The following ZNF195 variants were observed in gnomAD, a reference collection of about 807,000 sequenced individuals.
ZNF195 encodes hypoxia-regulated factor-1.
A neutral mutation model predicts 19.5 loss-of-function variants in ZNF195; 11 were observed. The observed-to-expected ratio is 0.57, with a 90% CI of 0.36 to 0.94. ZNF195 has a LOEUF of 0.94. Ranked by LOEUF, ZNF195 falls within the 40% of genes least tolerant of loss-of-function variation. ZNF195 has a pLI of 0.01. For missense variants in ZNF195, 582 were observed against 709.0 expected, an observed-to-expected ratio of 0.82 and a Z score of 2.03; for synonymous variants, 214 against 248.1, an observed-to-expected ratio of 0.86 and a Z score of 1.29.
chr11:3,376,222 C>G (rs7103474), intron 1 of ZNF195, among the ~76,000 whole-genome samples: 110,904 of 151,296 alleles, frequency 0.73, 41,160 homozygotes, highest in Middle Eastern at 0.79. Context: ...AGCAGTCTGG[C>G]GCACCCGCAG....
intron 2 of ZNF195, 87 bp downstream of exon 2, chr11:3,371,490 C>T (rs544050105): frequency 1.0e-4 from 161 of 1,567,040 alleles, no homozygotes; most frequent in South Asian, 4.0e-4. Context: ...ATTCATGCAA[C>T]GCAGAAACTC....
At chr11:3,371,204 CT>C in intron 2 of ZNF195, 134 bp from the exon 3 acceptor site, 2 of 810,120 alleles carry the variant, frequency 2.5e-6, no homozygotes, top group Non-Finnish European at 3.8e-6. Context: ...CTGACATCAC[CT>C]TTAGAATATT....
chr11:3,365,523 A>G (rs1243217437), intron 3 of ZNF195, among the ~76,000 whole-genome samples: 1 of 152,242 alleles, frequency 6.6e-6, no homozygotes, highest in Admixed American at 6.5e-5. Flanking sequence ...TTCTTGCTCA[A>G]TGGTCAGATA....
Position 3,362,317 on chromosome 11 carries a change from G to A in ZNF195, c.227-428C>T, listed in dbSNP as rs12288641. Among the ~76,000 whole-genome samples, 319 of 152,058 alleles carry A rather than the reference G, an allele frequency of 2.1e-3. 3 individuals are homozygous for A. The highest frequency in any genetic ancestry group is 7.1e-3 in the African/African-American group (294 of 41,494). ...CAAAATAAATATATGGAAAAGATACGCATATACAGAAAAATAAAATTCTGT... is the reference window on the plus strand; with the variant it reads ...CAAAATAAATATATGGAAAAGATACACATATACAGAAAAATAAAATTCTGT... On this transcript the variant is annotated intron_variant, in intron 3 of 5. Transcript: ENST00000399602.
chr11:3,362,627 TAA>T (rs1247605176), intron 3 of ZNF195: 6 of 555,000 alleles, frequency 1.1e-5, no homozygotes, highest in Admixed American at 5.9e-5. Context: ...AAAGAAAATT[TAA>T]AAAGAGTCAA....
intron 4 of ZNF195, 150 bp from the exon 5 acceptor site, chr11:3,360,938 T>C (rs1848605273): frequency 2.9e-6 from 2 of 692,464 alleles, no homozygotes; most frequent in Non-Finnish European, 4.6e-6. Flanking sequence ...ACAAGTGTTT[T>C]TACTTTTGGC....
chr11:3,367,427 G>A (rs899779948), intron 3 of ZNF195, among the ~76,000 whole-genome samples: 1 of 152,022 alleles, frequency 6.6e-6, no homozygotes, highest in Non-Finnish European at 1.5e-5. Context: ...TGACTGTGTA[G>A]TCATGAAAAC....
In ZNF195 at chr11:3,358,747, G is replaced by T. The variant is rs1006745931; in HGVS notation, c.*371C>A. 9.3e-4 allele frequency: 3 copies of T among 3,224 alleles called. No homozygotes were observed. The highest frequency in any genetic ancestry group is 0.012 in the South Asian group (1 of 82). 0.2% of individuals were successfully genotyped at this position (3,224 alleles called of 1,614,324 possible). A position where few individuals can be genotyped will look rare whatever the true frequency, so the allele number is the denominator to read the frequency against. The stretch of plus-strand genomic sequence containing the variant: ...TGTAGACTCAACACAGGGATTCAGT[G>T]TCATTTCTGAACGTGTCCTTGCTTA... On this transcript the variant is annotated 3_prime_UTR_variant, in exon 6 of 6. Transcript: ENST00000399602.
intron 3 of ZNF195, among the ~76,000 whole-genome samples, chr11:3,367,726 T>C (rs899876065): frequency 1.3e-5 from 2 of 152,040 alleles, no homozygotes; most frequent in African/African-American, 4.8e-5. Context: ...CATCTGGGAA[T>C]AAATCATATT....
Position 3,370,182 on chromosome 11 carries a change from CAT to C in ZNF195, c.226+791_226+792del, listed in dbSNP as rs1264165625. 9.9e-5 allele frequency among the ~76,000 whole-genome samples: 15 copies of C among 151,942 alleles called. No individual in the cohort carries two copies. The South Asian group carries it at 1.7e-3, about 17-fold the overall frequency. On this transcript the variant is annotated intron_variant, in intron 3 of 5. Coordinates refer to ENST00000399602, the MANE Select transcript of ZNF195 (RefSeq NM_001130520.3). ...TATGTTGATATATTATATATACACA[CAT>C]ATATGATATATACACACACATATAT... is the stretch of plus-strand genomic sequence containing the variant.
intron 1 of ZNF195, among the ~76,000 whole-genome samples, chr11:3,377,432 G>A (rs10833833): frequency 0.13 from 20,491 of 152,162 alleles, 1,741 homozygotes; most frequent in East Asian, 0.42. Flanking sequence ...ACCATCTCAC[G>A]GGGTGGAGTT....
chr11:3,373,422 TC>T (rs1800987960), intron 1 of ZNF195, among the ~76,000 whole-genome samples: 1 of 152,194 alleles, frequency 6.6e-6, no homozygotes, highest in African/African-American at 2.4e-5. Context: ...ACAAATATTT[TC>T]AGAGACCCTT....
chr11:3,378,987 G>T, intron 1 of ZNF195, 51 bp downstream of exon 1: 1 of 1,379,110 alleles, frequency 7.3e-7, no homozygotes, highest in South Asian at 1.7e-5. Context: ...GGTACCGCGG[G>T]TTCCAGTCCG....
At chr11:3,368,712 G>A (rs1268548725) in intron 3 of ZNF195, 2 of 361,902 alleles carry the variant, frequency 5.5e-6, no homozygotes, top group Admixed American at 3.1e-5. Flanking sequence ...GATGGTATGC[G>A]AACAGAGAGG....
chr11:3,368,948 G>C (rs1849043169), intron 3 of ZNF195: 2 of 435,046 alleles, frequency 4.6e-6, no homozygotes, highest in Admixed American at 5.0e-5. Context: ...AGCCTAAAAT[G>C]TAAAACATGT....
chr11:3,362,603 C>G (rs551333715), intron 3 of ZNF195: 1 of 570,528 alleles, frequency 1.8e-6, no homozygotes, highest in African/African-American at 1.9e-5. Context: ...AAGAAAATAC[C>G]TATAAGACAC....
At chr11:3,370,249 C>T (rs938219761) in intron 3 of ZNF195, among the ~76,000 whole-genome samples, 18 of 151,732 alleles carry the variant, frequency 1.2e-4, no homozygotes, top group Admixed American at 1.2e-3. Flanking sequence ...TGCACACATA[C>T]ATACATATGA....
chr11:3,378,896 C>T, intron 1 of ZNF195, 142 bp downstream of exon 1: 1 of 1,095,094 alleles, frequency 9.1e-7, no homozygotes, highest in South Asian at 3.3e-5. Flanking sequence ...CGCGCGGGGC[C>T]CGGCCGCCAT....
chr11:3,360,654 T>C, intron 5 of ZNF195, 66 bp downstream of exon 5: 1 of 1,556,764 alleles, frequency 6.4e-7, no homozygotes, highest in Middle Eastern at 1.7e-4. Context: ...CTGGGTACAT[T>C]AGCAAAATGG....
Sources: allele counts gnomAD v4.1 joint callset (sites outside exome capture counted in the v4.1 genomes callset), GRCh38; gene constraint gnomAD v4.1.1; transcripts MANE v1.5; gene names NCBI Gene and HGNC (gene_info 2026-07-23, HGNC 2026-07-21).